The following CALN1 variants were observed in gnomAD, a reference collection of about 807,000 sequenced individuals.
CALN1 encodes the protein calneuron 1.
CALN1 carries 17 observed loss-of-function variants against 30.6 expected under a neutral mutation model. The ratio of observed to expected loss-of-function variants is 0.56; its 90% CI spans 0.38 to 0.83. The LOEUF (loss-of-function observed/expected upper bound fraction) is 0.83. Ranked by LOEUF, CALN1 falls within the 40% of genes least tolerant of loss-of-function variation. CALN1 has a pLI of 0.00. For missense variants in CALN1, 291 were observed against 354.9 expected, an observed-to-expected ratio of 0.82 and a Z score of 1.45; for synonymous variants, 156 against 131.4, an observed-to-expected ratio of 1.19 and a Z score of -1.28.
At chr7:72,377,750 T>A (rs928865861) in intron 2 of CALN1, among the ~76,000 whole-genome samples, 2 of 152,184 alleles carry the variant, frequency 1.3e-5, no homozygotes, top group African/African-American at 4.8e-5. Flanking sequence ...TTTCCCAGTC[T>A]TTCCAGAAGA....
chr7:72,297,649 T>C (rs946348140), intron 2 of CALN1, among the ~76,000 whole-genome samples: 2 of 152,202 alleles, frequency 1.3e-5, no homozygotes, highest in African/African-American at 4.8e-5. Flanking sequence ...TTGGGTTGAG[T>C]TTATTTCCAG....
chr7:71,846,846 TTA>T (rs1341592436), intron 5 of CALN1, among the ~76,000 whole-genome samples: 2 of 146,470 alleles, frequency 1.4e-5, no homozygotes, highest in South Asian at 2.1e-4. Flanking sequence ...TGTGTATATA[TTA>T]TATATGTATA....
intron 2 of CALN1, among the ~76,000 whole-genome samples, chr7:72,354,198 C>T (rs1803094472): frequency 6.6e-6 from 1 of 151,972 alleles, no homozygotes; most frequent in African/African-American, 2.4e-5. Context: ...AGAAAAAGTC[C>T]CATTCACAAT....
intron 6 of CALN1, among the ~76,000 whole-genome samples, chr7:71,798,801 T>A (rs1354789611): frequency 6.6e-6 from 1 of 151,024 alleles, no homozygotes; most frequent in Non-Finnish European, 1.5e-5. Flanking sequence ...TTTTTTTGTA[T>A]TTTTAGTAGA....
chr7:72,083,874 T>G (rs2129539073), intron 4 of CALN1, among the ~76,000 whole-genome samples: 1 of 141,690 alleles, frequency 7.1e-6, no homozygotes, highest in Admixed American at 7.1e-5. Context: ...TGCCAAAAAC[T>G]TGCAAAAAAA....
intron 3 of CALN1, among the ~76,000 whole-genome samples, chr7:72,220,184 C>A: frequency 9.3e-6 from 1 of 107,734 alleles, no homozygotes; most frequent in African/African-American, 3.6e-5. Context: ...AATGCTATCC[C>A]TCCCCCCTCC....
chr7:72,253,014 A>T (rs1795672465), intron 3 of CALN1, among the ~76,000 whole-genome samples: 1 of 152,160 alleles, frequency 6.6e-6, no homozygotes, highest in Non-Finnish European at 1.5e-5. Context: ...ACAAGTGGGG[A>T]AACTGAGGGT....
chr7:72,250,523 A>G (rs373781217), intron 3 of CALN1, among the ~76,000 whole-genome samples: 1 of 152,200 alleles, frequency 6.6e-6, no homozygotes, highest in South Asian at 2.1e-4. Context: ...TATAGTTCAG[A>G]TGTCTGTCCC....
chr7:71,953,113 C>T (rs948640592), intron 5 of CALN1, among the ~76,000 whole-genome samples: 2 of 152,082 alleles, frequency 1.3e-5, no homozygotes, highest in African/African-American at 4.8e-5. Flanking sequence ...CGCACCACTA[C>T]ACCCAGCTGC....
chr7:72,304,163 T>G (rs1799491410), intron 2 of CALN1, among the ~76,000 whole-genome samples: 1 of 152,214 alleles, frequency 6.6e-6, no homozygotes, highest in Non-Finnish European at 1.5e-5. Context: ...TGGTTTCAAG[T>G]TAATAAAGAA....
At chr7:72,462,133 A>G in the CALN1 span, among the ~76,000 whole-genome samples, 1 of 149,814 alleles carries the variant, frequency 6.7e-6, no homozygotes, top group Admixed American at 6.6e-5. Context: ...TCACACCTTC[A>G]CTGTGGTCCC....
intron 1 of CALN1, among the ~76,000 whole-genome samples, chr7:72,426,101 C>T (rs747930193): frequency 6.6e-6 from 1 of 152,140 alleles, no homozygotes; most frequent in Non-Finnish European, 1.5e-5. Context: ...CATTGTCTTC[C>T]GGAAAGTGAA....
intron 4 of CALN1, among the ~76,000 whole-genome samples, chr7:72,086,003 GAA>G (rs1162909806): frequency 2.0e-5 from 3 of 151,598 alleles, no homozygotes; most frequent in Admixed American, 1.3e-4. Context: ...GTCAGGTTAC[GAA>G]AAAAGAGATA....
chr7:72,189,866 A>G (rs1790479139), intron 3 of CALN1, among the ~76,000 whole-genome samples: 1 of 151,866 alleles, frequency 6.6e-6, no homozygotes, highest in African/African-American at 2.4e-5. Context: ...ATTCCTTCCT[A>G]GCTTCTTTAC....
intron 4 of CALN1, among the ~76,000 whole-genome samples, chr7:72,034,862 G>T (rs1025004549): frequency 6.8e-6 from 1 of 147,668 alleles, no homozygotes; most frequent in Non-Finnish European, 1.5e-5. Flanking sequence ...CTTCAAGATA[G>T]CTTCTCAAGT....
At chr7:72,346,982 A>G (rs1420201294) in intron 2 of CALN1, among the ~76,000 whole-genome samples, 1 of 152,164 alleles carries the variant, frequency 6.6e-6, no homozygotes, top group African/African-American at 2.4e-5. Context: ...GTGAGAAGGA[A>G]AAGTGGGAAT....
At chr7:72,220,836 GTCT>G (rs1282886344) in intron 3 of CALN1, among the ~76,000 whole-genome samples, 2 of 152,192 alleles carry the variant, frequency 1.3e-5, no homozygotes, top group African/African-American at 2.4e-5. Flanking sequence ...CTGCATAAAT[GTCT>G]TCTTCTGAGA....
intron 1 of CALN1, among the ~76,000 whole-genome samples, chr7:72,418,518 C>T (rs1807499081): frequency 6.6e-6 from 1 of 152,182 alleles, no homozygotes; most frequent in Non-Finnish European, 1.5e-5. Context: ...ACTGCACCCT[C>T]CAGGGCTCTG....
At chr7:72,279,149 C>T (rs1377811034) in intron 2 of CALN1, among the ~76,000 whole-genome samples, 2 of 152,108 alleles carry the variant, frequency 1.3e-5, no homozygotes, top group African/African-American at 2.4e-5. Context: ...TTCCTTGGCC[C>T]GATAAATTCT....
Sources: allele counts gnomAD v4.1 joint callset (sites outside exome capture counted in the v4.1 genomes callset), GRCh38; gene constraint gnomAD v4.1.1; transcripts MANE v1.5; gene names NCBI Gene and HGNC (gene_info 2026-07-23, HGNC 2026-07-21).